The following RBM14 variants were observed in gnomAD, a reference collection of about 807,000 sequenced individuals.
RBM14 encodes the protein RNA binding motif protein 14.
In RBM14, 5 loss-of-function variants were observed where a neutral mutation model predicts 52.8. That is an observed-to-expected ratio of 0.09 (90% CI 0.05 to 0.20). The LOEUF is 0.20. RBM14 is among the 10% of genes least tolerant of loss of function. The pLI is 1.00. For synonymous variants in RBM14, 411 were observed against 401.8 expected (o/e 1.02, Z -0.28); for missense variants, 780 against 926.6 (o/e 0.84, Z 2.05).
Position 66,617,073 on chromosome 11 carries a change from G to A in RBM14, c.337+16G>A, listed in dbSNP as rs757800890. ...GTGGTGAAAGGTAACGCGGAGGCGC[G>A]CTCGGGGGCGGGGGCGCGCTCGGGG... On this transcript the variant is annotated intron_variant, in intron 1 of 2. Coordinates refer to ENST00000310137, the MANE Select transcript of RBM14 (RefSeq NM_006328.4). The A allele has an allele frequency of 2.6e-6, 4 of 1,556,324 alleles. No individual in the cohort carries two copies. In the African/African-American group the frequency reaches 4.1e-5, roughly 16 times the overall value.
At chr11:66,618,377 A>T in intron 1 of RBM14, 1 of 643,756 alleles carries the variant, frequency 1.6e-6, no homozygotes, top group East Asian at 2.8e-5. Flanking sequence ...CTGGAAAGGC[A>T]CATGTTTGGG....
Position 66,625,764 on chromosome 11 carries a change from G to A in RBM14, c.1802+86G>A, listed in dbSNP as rs778198282. On this transcript the variant is annotated intron_variant, in intron 2 of 2. Transcript: ENST00000310137. The surrounding 1 kb of genome is among the most constrained non-coding windows in gnomAD (Gnocchi z 4.2). ...GCATGGGAGGGAAACTGGAGGCATC[G>A]GCCCCTCCCTCGGTCTTCTCTTCTC... The A allele has an allele frequency of 4.7e-6, 5 of 1,055,060 alleles. No individual in the cohort carries two copies. The highest frequency in any genetic ancestry group is 2.5e-5 in the Admixed American group (1 of 39,302). The allele number at this position is 1,055,060 out of a possible 1,614,324, so 65.4% of individuals were successfully genotyped here.
chr11:66,627,045 C>T lies in RBM14; in HGVS notation c.*377C>T, dbSNP rs571157170. 1 of 180,470 alleles carries T rather than the reference C, an allele frequency of 5.5e-6. No homozygotes were observed. Among genetic ancestry groups the T allele is most frequent in the East Asian group, 1.6e-4 (1 of 6,252 alleles). 11.2% of individuals were successfully genotyped at this position (180,470 alleles called of 1,614,324 possible). On this transcript the variant is annotated 3_prime_UTR_variant, in exon 3 of 3. Transcript: ENST00000310137. ...CAGCTGAGGTCGCCGGCGCCTTTTT[C>T]TTTTTAGATGGGAAGGAGGCCAGGA...
chr11:66,622,749 A>G (rs1053260348), intron 1 of RBM14, among the ~76,000 whole-genome samples: 2 of 152,322 alleles, frequency 1.3e-5, no homozygotes, highest in Non-Finnish European at 1.5e-5. Context: ...TCCCAGTACG[A>G]AAGTTTCTAA....
intron 1 of RBM14, chr11:66,619,557 ATTTTTTCTTTTTC>A (rs1225921474): frequency 1.3e-5 from 2 of 148,784 alleles, no homozygotes; most frequent in Non-Finnish European, 1.5e-5. Context: ...CAAGTTTAAG[ATTTTTTCTTTTTC>A]TTTTTTTTTT....
In RBM14 at chr11:66,626,598, G is replaced by A. The variant is rs1937819253; in HGVS notation, c.1940G>A (p.Arg647His). Reference sequence around the variant, plus strand: ...CCCGATGCCCATTCCGATTACGCACGCTATTCGGGCTCCTATAATGATTAC... The same window carrying A: ...CCCGATGCCCATTCCGATTACGCACACTATTCGGGCTCCTATAATGATTAC... ...RLPDAHSDYARYSGSYNDYLR... is the reference protein window; with the variant it reads ...RLPDAHSDYAHYSGSYNDYLR... Residue 647 changes from arginine to histidine, a missense_variant, in exon 3 of 3, where the codon CGC becomes CAC. Arg to His is a conservative substitution (Grantham distance 29). Transcript: ENST00000310137. 8 of 1,613,660 alleles carry A rather than the reference G, an allele frequency of 5.0e-6. No homozygotes were observed. Among genetic ancestry groups the A allele is most frequent in the African/African-American group, 1.3e-5 (1 of 75,046 alleles).
intron 1 of RBM14, among the ~76,000 whole-genome samples, chr11:66,617,801 GT>G (rs1252515868): frequency 6.6e-6 from 1 of 152,214 alleles, no homozygotes; most frequent in African/African-American, 2.4e-5. Flanking sequence ...AAGAAAGCTT[GT>G]TTTATGAAGT....
intron 1 of RBM14, among the ~76,000 whole-genome samples, chr11:66,623,702 A>G (rs534893525): frequency 1.3e-5 from 2 of 152,354 alleles, no homozygotes; most frequent in South Asian, 4.1e-4. Flanking sequence ...GTTGCAGTCT[A>G]TCTCTCTTGC....
At position 66,626,831 on chromosome 11, in the gene RBM14, G is replaced by A. The variant is rs922302681; in HGVS notation, c.*163G>A. The A allele has an allele frequency of 8.1e-5, 56 of 695,616 alleles. No individual in the cohort carries two copies. Among genetic ancestry groups the A allele is most frequent in the East Asian group, 1.9e-4 (7 of 36,120 alleles). 43.1% of individuals were successfully genotyped at this position (695,616 alleles called of 1,614,324 possible). A position where few individuals can be genotyped will look rare whatever the true frequency, so the allele number is the denominator to read the frequency against. On this transcript the variant is annotated 3_prime_UTR_variant, in exon 3 of 3. Transcript: ENST00000310137. ...CAGGAGATGATCCTGTTAAGTGTTC[G>A]GCAGTAACCTACTTTGTTCCTTCGC...
At position 66,625,124 on chromosome 11, in the gene RBM14, A is replaced by G. The variant is rs776262261; in HGVS notation, c.1248A>G (p.Pro416=). 2 of 1,613,158 alleles carry G rather than the reference A, an allele frequency of 1.2e-6. No homozygotes were observed. The highest frequency in any genetic ancestry group is 2.2e-5 in the East Asian group (1 of 44,854). The stretch of plus-strand genomic sequence containing the variant: ...CCTCTTACAATGCCCAGTCTGCCCC[A>G]TATGCTGCACAGCAGGCTGCTTCCT... ...PSASYNAQSA[P]YAAQQAASYS... Residue 416 remains proline (P), a synonymous_variant, in exon 2 of 3, where the codon CCA becomes CCG. Transcript: ENST00000310137. The surrounding 1 kb of genome is among the most constrained non-coding windows in gnomAD (Gnocchi z 4.2).
In RBM14 at chr11:66,624,138, T is replaced by C. The variant is rs1194344719; in HGVS notation, c.338-76T>C. 6.5e-7 allele frequency: 1 copy of C among 1,540,968 alleles called. No individual in the cohort carries two copies. The highest frequency in any genetic ancestry group is 8.7e-7 in the Non-Finnish European group (1 of 1,143,268). ...AGCTGGCAACAGCTGGGTGCTGTTGTGTGTCCAATTTGGGACCCATCAGGT... is the reference window on the plus strand; with the variant it reads ...AGCTGGCAACAGCTGGGTGCTGTTGCGTGTCCAATTTGGGACCCATCAGGT... On this transcript the variant is annotated intron_variant, in intron 1 of 2. Transcript: ENST00000310137. The surrounding 1 kb of genome is among the most constrained non-coding windows in gnomAD (Gnocchi z 4.7).
chr11:66,622,360 A>G (rs903373794), intron 1 of RBM14, among the ~76,000 whole-genome samples: 2 of 150,322 alleles, frequency 1.3e-5, no homozygotes, highest in Non-Finnish European at 2.9e-5. Flanking sequence ...GAGCCTCCTG[A>G]GTAGCTGGAA....
intron 1 of RBM14, among the ~76,000 whole-genome samples, chr11:66,621,576 C>T (rs571720301): frequency 6.6e-6 from 1 of 152,058 alleles, no homozygotes; most frequent in Admixed American, 6.6e-5. Context: ...GGCGTTTCAC[C>T]TTGTTGGTCA....
rs1277091095 is a variant in RBM14 at position 66,627,032 on chromosome 11, C to T, written c.*364C>T. 1 of 183,708 alleles carries T rather than the reference C, an allele frequency of 5.4e-6. No homozygotes were observed. The highest frequency in any genetic ancestry group is 1.5e-4 in the East Asian group (1 of 6,590). 11.4% of individuals were successfully genotyped at this position (183,708 alleles called of 1,614,324 possible). On this transcript the variant is annotated 3_prime_UTR_variant, in exon 3 of 3. Coordinates refer to ENST00000310137, the MANE Select transcript of RBM14 (RefSeq NM_006328.4). ...GGGAAGCAACCTGCAGCTGAGGTCG[C>T]CGGCGCCTTTTTCTTTTTAGATGGG...
chr11:66,626,732 C>T lies in RBM14; in HGVS notation c.*64C>T. 2 of 1,441,864 alleles carry T rather than the reference C, an allele frequency of 1.4e-6. No individual in the cohort carries two copies. The highest frequency in any genetic ancestry group is 2.1e-5 in the Admixed American group (1 of 48,610). 89.3% of individuals were successfully genotyped at this position (1,441,864 alleles called of 1,614,324 possible). A position where few individuals can be genotyped will look rare whatever the true frequency, so the allele number is the denominator to read the frequency against. ...AAAAGAGGTGGGTAGGGTTACAGAT[C>T]CAGGTTATAACTACTCTGGCCCATA... On this transcript the variant is annotated 3_prime_UTR_variant, in exon 3 of 3. Coordinates refer to ENST00000310137, the MANE Select transcript of RBM14 (RefSeq NM_006328.4).
rs777189546 is a variant in RBM14 at position 66,624,343 on chromosome 11, G to C, written c.467G>C (p.Gly156Ala). 3.7e-6 allele frequency: 6 copies of C among 1,614,140 alleles called. No homozygotes were observed. Among genetic ancestry groups the C allele is most frequent in the Admixed American group, 1.7e-5 (1 of 60,022 alleles). The part of the protein sequence containing the change: ...LSTKGQKKGP[G>A]LAVQSGDKTK... ...ACCAAGGGTCAGAAGAAGGGGCCTGGCCTGGCTGTCCAGTCTGGGGACAAG... is the reference window on the plus strand; with the variant it reads ...ACCAAGGGTCAGAAGAAGGGGCCTGCCCTGGCTGTCCAGTCTGGGGACAAG... Residue 156 changes from glycine to alanine, a missense_variant, in exon 2 of 3, where the codon GGC becomes GCC. Physicochemically the swap from Gly to Ala is moderately conservative, Grantham distance 60. Around this residue, in one of 4 missense-constraint regions of RBM14, gnomAD observed 675 missense variants for 697.3 expected, o/e 0.97. Transcript: ENST00000310137. The surrounding 1 kb of genome is among the most constrained non-coding windows in gnomAD (Gnocchi z 4.7).
intron 1 of RBM14, chr11:66,620,910 CT>C (rs1439917187): frequency 2.0e-5 from 3 of 152,088 alleles, no homozygotes; most frequent in Admixed American, 2.0e-4. Flanking sequence ...TTCCCCTTCA[CT>C]TTGGGCCTTT....
intron 1 of RBM14, among the ~76,000 whole-genome samples, chr11:66,620,314 A>T (rs533735778): frequency 1.3e-4 from 20 of 150,786 alleles, no homozygotes; most frequent in East Asian, 5.8e-4. Flanking sequence ...TATATTTATT[A>T]TTTTTTTTTA....
Position 66,616,783 on chromosome 11 carries a change from C to T in RBM14, c.63C>T (p.Leu21=), listed in dbSNP as rs987247371. The change falls in exon 1 of 3, where the codon CTC becomes CTT. Residue 21 remains leucine, a synonymous_variant. Coordinates refer to ENST00000310137, the MANE Select transcript of RBM14 (RefSeq NM_006328.4). ...ADTTPEELAA[L]FAPYGTVMSC... ...CGACTCCGGAGGAGCTGGCAGCCCTCTTTGCGCCCTACGGCACGGTCATGA... is the reference window on the plus strand; with the variant it reads ...CGACTCCGGAGGAGCTGGCAGCCCTTTTTGCGCCCTACGGCACGGTCATGA... 6.8e-6 allele frequency: 11 copies of T among 1,608,070 alleles called. No individual in the cohort carries two copies. Among genetic ancestry groups the T allele is most frequent in the East Asian group, 2.2e-5 (1 of 44,700 alleles).
Sources: allele counts gnomAD v4.1 joint callset (sites outside exome capture counted in the v4.1 genomes callset), GRCh38; gene constraint gnomAD v4.1.1; regional missense constraint gnomAD v4.1.1; non-coding constraint Gnocchi (gnomAD v3.1); transcripts MANE v1.5; gene names NCBI Gene and HGNC (gene_info 2026-07-23, HGNC 2026-07-21).